The following MAPRE3 variants were observed in gnomAD, a reference collection of about 807,000 sequenced individuals.
The protein encoded by MAPRE3 is microtubule associated protein RP/EB family member 3.
MAPRE3 carries 2 observed loss-of-function variants against 30.5 expected under a neutral mutation model. The observed-to-expected ratio is 0.07, with a 90% CI of 0.03 to 0.21. The LOEUF is 0.21. MAPRE3 is among the 10% of genes least tolerant of loss of function. MAPRE3 has a pLI of 1.00. For synonymous variants in MAPRE3, 110 were observed against 127.7 expected (o/e 0.86, Z 0.93); for missense variants, 204 against 351.8 (o/e 0.58, Z 3.36).
intron 4 of MAPRE3, 142 bp from the exon 5 acceptor site, chr2:27,025,441 T>C (rs979258766): frequency 8.7e-6 from 7 of 805,770 alleles, no homozygotes; most frequent in Non-Finnish European, 1.2e-5. Flanking sequence ...TAGCTGTAGA[T>C]GCCCTTCCTG....
intron 1 of MAPRE3, among the ~76,000 whole-genome samples, chr2:26,999,875 G>A (rs1666551758): frequency 6.6e-6 from 1 of 151,820 alleles, no homozygotes; most frequent in South Asian, 2.1e-4. Context: ...CCATTTTAGT[G>A]GATAATACAA....
intron 1 of MAPRE3, among the ~76,000 whole-genome samples, chr2:26,998,864 T>C (rs575843347): frequency 3.9e-4 from 59 of 152,352 alleles, no homozygotes; most frequent in Non-Finnish European, 6.8e-4. Flanking sequence ...GCCAAATATC[T>C]TCCATTTGTT....
intron 1 of MAPRE3, 126 bp from the exon 2 acceptor site, chr2:27,022,086 T>A: frequency 9.1e-7 from 1 of 1,096,218 alleles, no homozygotes; most frequent in Non-Finnish European, 1.3e-6. Flanking sequence ...CCTCTGGGGA[T>A]AAACTGCGAG....
At chr2:27,001,138 A>G (rs1666586242) in intron 1 of MAPRE3, among the ~76,000 whole-genome samples, 1 of 152,216 alleles carries the variant, frequency 6.6e-6, no homozygotes, top group South Asian at 2.1e-4. Context: ...TACATTGCTT[A>G]ATGATGGGAT....
At chr2:26,989,664 T>C (rs1351866599) in intron 1 of MAPRE3, among the ~76,000 whole-genome samples, 1 of 152,134 alleles carries the variant, frequency 6.6e-6, no homozygotes, top group Non-Finnish European at 1.5e-5. Context: ...AAAAATGAGA[T>C]GGCTAAGTGA....
In MAPRE3 at chr2:26,973,802, G is replaced by A. The variant is rs1361964063; in HGVS notation, c.-8+3000G>A. On this transcript the variant is annotated intron_variant, in intron 1 of 6. Coordinates refer to ENST00000233121, the MANE Select transcript of MAPRE3 (RefSeq NM_012326.4). Reference sequence around the variant, plus strand: ...CATCTCCTGACCTCATGATCCACCCGCCTCGGCCTCCCAAAGTGCTGGGAC... The same window carrying A: ...CATCTCCTGACCTCATGATCCACCCACCTCGGCCTCCCAAAGTGCTGGGAC... 4.6e-5 allele frequency among the ~76,000 whole-genome samples: 7 copies of A among 152,132 alleles called. No homozygotes were observed. In the East Asian group the frequency reaches 1.2e-3, roughly 25 times the overall value.
intron 1 of MAPRE3, among the ~76,000 whole-genome samples, chr2:26,971,990 A>G (rs1665923937): frequency 6.6e-6 from 1 of 152,204 alleles, no homozygotes; most frequent in Admixed American, 6.5e-5. Flanking sequence ...TTCTTGGAAT[A>G]GAAGAGGGTC....
At chr2:27,008,822 G>C (rs1666786843) in intron 1 of MAPRE3, among the ~76,000 whole-genome samples, 1 of 152,172 alleles carries the variant, frequency 6.6e-6, no homozygotes, top group Admixed American at 6.5e-5. Context: ...TGAATGAGTA[G>C]ACTGTGGTAC....
chr2:27,014,246 A>G (rs1323847204), intron 1 of MAPRE3, among the ~76,000 whole-genome samples: 2 of 152,136 alleles, frequency 1.3e-5, no homozygotes, highest in Non-Finnish European at 2.9e-5. Flanking sequence ...GTTTCCGTTA[A>G]CCCTCGAAGT....
intron 1 of MAPRE3, among the ~76,000 whole-genome samples, chr2:26,989,950 G>A (rs866580637): frequency 1.3e-5 from 2 of 152,194 alleles, no homozygotes; most frequent in African/African-American, 4.8e-5. Flanking sequence ...AAGCCGAGGT[G>A]GGACGATTAC....
At position 27,026,517 on chromosome 2, in the gene MAPRE3, C is replaced by A. The variant is rs997738602; in HGVS notation, c.*169C>A. 8.6e-6 allele frequency: 5 copies of A among 582,946 alleles called. No homozygotes were observed. Among genetic ancestry groups the A allele is most frequent in the Non-Finnish European group, 1.5e-5 (5 of 336,506 alleles). 36.1% of individuals were successfully genotyped at this position (582,946 alleles called of 1,614,324 possible). A position where few individuals can be genotyped will look rare whatever the true frequency, so the allele number is the denominator to read the frequency against. On this transcript the variant is annotated 3_prime_UTR_variant, in exon 7 of 7. Coordinates refer to ENST00000233121, the MANE Select transcript of MAPRE3 (RefSeq NM_012326.4). ...TGGGGGCATGGGGCCGGAAAGCAGG[C>A]AGAAGCCCGTCCTGGGTGGTGCTGG...
At chr2:26,993,966 A>G (rs1666403114) in intron 1 of MAPRE3, among the ~76,000 whole-genome samples, 1 of 152,198 alleles carries the variant, frequency 6.6e-6, no homozygotes, top group South Asian at 2.1e-4. Flanking sequence ...GACTGACATT[A>G]AGGAATGCTA....
rs565872732 is a variant in MAPRE3 at position 27,026,730 on chromosome 2, T to C, written c.*382T>C. 2 of 183,376 alleles carry C rather than the reference T, an allele frequency of 1.1e-5. No individual in the cohort carries two copies. The highest frequency in any genetic ancestry group is 1.5e-4 in the East Asian group (1 of 6,654). The allele number at this position is 183,376 out of a possible 1,614,324, so 11.4% of individuals were successfully genotyped here. A position where few individuals can be genotyped will look rare whatever the true frequency, so the allele number is the denominator to read the frequency against. ...TACTTACTGGATTCTCCTTGCACTT[T>C]ACCTGTTCTTTTCCAGAGCTGACAG... On this transcript the variant is annotated 3_prime_UTR_variant, in exon 7 of 7. Transcript: ENST00000233121.
Position 27,025,851 on chromosome 2 carries a change from G to A in MAPRE3, c.625-29G>A. 1.9e-6 allele frequency: 3 copies of A among 1,614,064 alleles called. No homozygotes were observed. The South Asian group carries it at 3.3e-5, about 18-fold the overall frequency. On this transcript the variant is annotated intron_variant, in intron 5 of 6. Coordinates refer to ENST00000233121, the MANE Select transcript of MAPRE3 (RefSeq NM_012326.4). ...AGGGGAACCTGAGGTGGGGACCTCT[G>A]GCTTGAACATCACTTTGTCCCCAAG...
At chr2:27,004,556 C>T (rs1294153286) in intron 1 of MAPRE3, among the ~76,000 whole-genome samples, 1 of 152,042 alleles carries the variant, frequency 6.6e-6, no homozygotes, top group Non-Finnish European at 1.5e-5. Flanking sequence ...TTCATGATAG[C>T]TGGAGTATGG....
chr2:27,004,836 A>G (rs1666686734), intron 1 of MAPRE3, among the ~76,000 whole-genome samples: 1 of 151,754 alleles, frequency 6.6e-6, no homozygotes, highest in Non-Finnish European at 1.5e-5. Flanking sequence ...AGAATTCCTC[A>G]GCAGGATTTC....
intron 1 of MAPRE3, among the ~76,000 whole-genome samples, chr2:26,987,099 C>G (rs1047597602): frequency 1.3e-5 from 2 of 152,074 alleles, no homozygotes; most frequent in Non-Finnish European, 2.9e-5. Flanking sequence ...ATCTCTCTAG[C>G]TCTGGAAAAA....
intron 1 of MAPRE3, among the ~76,000 whole-genome samples, chr2:27,016,894 A>G (rs920302534): frequency 1.3e-5 from 2 of 152,126 alleles, no homozygotes; most frequent in South Asian, 4.1e-4. Context: ...AGTTCAGTCC[A>G]GGATCTTAGA....
chr2:27,000,358 G>T (rs1282723583), intron 1 of MAPRE3, among the ~76,000 whole-genome samples: 1 of 152,210 alleles, frequency 6.6e-6, no homozygotes, highest in Non-Finnish European at 1.5e-5. Context: ...TACAAGGCAG[G>T]CTCCTGTGAG....
Sources: allele counts gnomAD v4.1 joint callset (sites outside exome capture counted in the v4.1 genomes callset), GRCh38; gene constraint gnomAD v4.1.1; transcripts MANE v1.5; gene names NCBI Gene and HGNC (gene_info 2026-07-23, HGNC 2026-07-21).